EPHA6: variants seen among roughly 807,000 people sequenced by gnomAD.
EPHA6 encodes the protein EPH receptor A6, also known as ephrin type-A receptor 6.
A neutral mutation model predicts 112.0 loss-of-function variants in EPHA6; 50 were observed. The ratio of observed to expected loss-of-function variants is 0.45; its 90% CI spans 0.36 to 0.56. The LOEUF (loss-of-function observed/expected upper bound fraction) is 0.56. Among genes scored for constraint, EPHA6 ranks in the 20% least tolerant of loss-of-function variants. EPHA6 has a pLI of 0.00. For missense variants in EPHA6, 1,280 were observed against 1,417.4 expected, an observed-to-expected ratio of 0.90 and a Z score of 1.56; for synonymous variants, 529 against 490.7, an observed-to-expected ratio of 1.08 and a Z score of -1.03.
intron 12 of EPHA6, among the ~76,000 whole-genome samples, chr3:97,595,693 AGAG>A (rs1296722979): frequency 1.3e-5 from 2 of 151,626 alleles, no homozygotes; most frequent in African/African-American, 2.4e-5. Flanking sequence ...AGAGGAGAGG[AGAG>A]GAGAGGAAGC....
At chr3:97,584,084 G>T (rs979950012) in intron 11 of EPHA6, among the ~76,000 whole-genome samples, 2 of 152,112 alleles carry the variant, frequency 1.3e-5, no homozygotes, top group Non-Finnish European at 2.9e-5. Flanking sequence ...TATTTTTGAT[G>T]CTATTTATAC....
chr3:97,250,484 T>C (rs1241328311), intron 5 of EPHA6, among the ~76,000 whole-genome samples: 4 of 152,206 alleles, frequency 2.6e-5, no homozygotes, highest in Non-Finnish European at 1.5e-5. Flanking sequence ...TTTTGGTGCC[T>C]CTATTACTAT....
chr3:97,701,706 T>C (rs2033402047), intron 14 of EPHA6, among the ~76,000 whole-genome samples: 1 of 151,832 alleles, frequency 6.6e-6, no homozygotes, highest in Non-Finnish European at 1.5e-5. Context: ...ACCTACCTTC[T>C]TTTTTTATAT....
At chr3:97,405,834 T>C (rs1461779505) in intron 6 of EPHA6, among the ~76,000 whole-genome samples, 1 of 152,168 alleles carries the variant, frequency 6.6e-6, no homozygotes, top group African/African-American at 2.4e-5. Flanking sequence ...TTATTTATAA[T>C]AATGGAACCC....
intron 5 of EPHA6, among the ~76,000 whole-genome samples, chr3:97,254,138 TG>T (rs1205765982): frequency 1.3e-5 from 2 of 152,070 alleles, no homozygotes; most frequent in African/African-American, 4.8e-5. Flanking sequence ...AACAATTAAA[TG>T]CTATTTGAAA....
At position 97,254,468 on chromosome 3, in the gene EPHA6, G is replaced by A. The variant is rs142200535; in HGVS notation, c.1606+10181G>A. 4.7e-3 allele frequency among the ~76,000 whole-genome samples: 722 copies of A among 152,268 alleles called. 5 individuals carry two copies. The highest frequency in any genetic ancestry group is 0.015 in the African/African-American group (633 of 41,556). ...CTCCCAAAGTGCTGGGATTACAGGC[G>A]TGAGCCATTGTGCCCGGCCTTAATT... On this transcript the variant is annotated intron_variant, in intron 5 of 17. Coordinates refer to ENST00000389672, the MANE Select transcript of EPHA6 (RefSeq NM_001080448.3).
At chr3:97,073,417 C>T (rs1454191071) in intron 3 of EPHA6, among the ~76,000 whole-genome samples, 1 of 152,072 alleles carries the variant, frequency 6.6e-6, no homozygotes. Context: ...ACAGTATCCA[C>T]TTCTTATTTC....
chr3:97,299,744 T>C (rs1362375530), intron 5 of EPHA6, among the ~76,000 whole-genome samples: 1 of 152,168 alleles, frequency 6.6e-6, no homozygotes, highest in African/African-American at 2.4e-5. Flanking sequence ...TTCAGGGAAT[T>C]TGTTTTCTTC....
At chr3:97,079,538 A>G (rs1384445868) in intron 3 of EPHA6, among the ~76,000 whole-genome samples, 3 of 151,544 alleles carry the variant, frequency 2.0e-5, no homozygotes, top group African/African-American at 7.3e-5. Flanking sequence ...TATGTACAAC[A>G]GACCCCTATG....
intron 12 of EPHA6, among the ~76,000 whole-genome samples, chr3:97,605,032 C>G (rs115055509): frequency 6.9e-4 from 104 of 151,584 alleles, no homozygotes; most frequent in African/African-American, 2.4e-3. Flanking sequence ...GAATGGGAGA[C>G]AGACACCTAT....
chr3:96,983,191 C>T (rs947331398), intron 2 of EPHA6, among the ~76,000 whole-genome samples: 8 of 152,070 alleles, frequency 5.3e-5, no homozygotes, highest in Admixed American at 1.3e-4. Context: ...TGGCTGGTAC[C>T]GGTTGTTCCT....
At chr3:97,511,225 GA>G (rs59014132) in intron 10 of EPHA6, among the ~76,000 whole-genome samples, 35,583 of 147,098 alleles carry the variant, frequency 0.24, 7,153 homozygotes, top group African/African-American at 0.54. Flanking sequence ...ACTGGGGTAT[GA>G]AAAAAAAAAA....
At chr3:97,070,556 C>T (rs367549050) in intron 3 of EPHA6, among the ~76,000 whole-genome samples, 42 of 152,118 alleles carry the variant, frequency 2.8e-4, no homozygotes, top group African/African-American at 1.0e-3. Flanking sequence ...ATGTAGTTCT[C>T]ATTATACTCA....
At chr3:97,031,641 T>G (rs2044849441) in intron 3 of EPHA6, among the ~76,000 whole-genome samples, 1 of 152,018 alleles carries the variant, frequency 6.6e-6, no homozygotes, top group Non-Finnish European at 1.5e-5. Flanking sequence ...GCAAAGGACA[T>G]GAACAGACAC....
intron 5 of EPHA6, among the ~76,000 whole-genome samples, chr3:97,399,382 T>G (rs1318416197): frequency 6.6e-6 from 1 of 151,646 alleles, no homozygotes; most frequent in African/African-American, 2.4e-5. Flanking sequence ...TTAGCTATGG[T>G]GAATACTACT....
chr3:96,868,573 A>T (rs1296740076), intron 2 of EPHA6, among the ~76,000 whole-genome samples: 1 of 151,950 alleles, frequency 6.6e-6, no homozygotes, highest in Non-Finnish European at 1.5e-5. Flanking sequence ...ACTCAGTTTC[A>T]CTGAGGCATG....
At chr3:97,556,811 A>G (rs2093117023) in intron 11 of EPHA6, among the ~76,000 whole-genome samples, 1 of 152,048 alleles carries the variant, frequency 6.6e-6, no homozygotes, top group Non-Finnish European at 1.5e-5. Context: ...CCTTTAAAAC[A>G]GTGGAAGTTT....
chr3:97,505,455 T>TAACACAG (rs2092225293), intron 10 of EPHA6, among the ~76,000 whole-genome samples: 1 of 152,084 alleles, frequency 6.6e-6, no homozygotes, highest in Non-Finnish European at 1.5e-5. Context: ...TGTCTGTTCC[T>TAACACAG]GTGTTAGTTT....
At chr3:97,187,740 A>AGAG (rs1559784747) in intron 3 of EPHA6, among the ~76,000 whole-genome samples, 154 of 147,928 alleles carry the variant, frequency 1.0e-3, no homozygotes, top group African/African-American at 3.5e-3. Flanking sequence ...AAAGAAAGAA[A>AGAG]GAAAGAGGAA....
Sources: allele counts gnomAD v4.1 joint callset (sites outside exome capture counted in the v4.1 genomes callset), GRCh38; gene constraint gnomAD v4.1.1; transcripts MANE v1.5; gene names NCBI Gene and HGNC (gene_info 2026-07-23, HGNC 2026-07-21).